Variants in HEPHL1 observed in about 807,000 individuals in gnomAD.
The protein encoded by HEPHL1 is ferroxidase HEPHL1.
Under a neutral mutation model 122.0 loss-of-function variants are expected in HEPHL1, and 123 were observed. The ratio of observed to expected loss-of-function variants is 1.01; its 90% CI spans 0.87 to 1.17. HEPHL1 has a LOEUF of 1.17. HEPHL1 is among the 50% of genes most tolerant of loss of function. The pLI is 0.00. For synonymous variants in HEPHL1, 527 were observed against 508.9 expected (o/e 1.04, Z -0.48); for missense variants, 1,452 against 1,430.5 (o/e 1.01, Z -0.24).
intron 10 of HEPHL1, among the ~76,000 whole-genome samples, chr11:94,085,040 T>C (rs1565358047): frequency 6.6e-6 from 1 of 152,192 alleles, no homozygotes. Flanking sequence ...ATGTGCATGA[T>C]AATAGTTCCT....
intron 1 of HEPHL1, among the ~76,000 whole-genome samples, chr11:94,033,871 C>T (rs1945697588): frequency 6.6e-6 from 1 of 152,166 alleles, no homozygotes; most frequent in South Asian, 2.1e-4. Flanking sequence ...CTCACTGTAA[C>T]ACGCTTTGGT....
chr11:94,046,031 C>T, intron 2 of HEPHL1, 114 bp downstream of exon 2: 1 of 759,136 alleles, frequency 1.3e-6, no homozygotes, highest in Non-Finnish European at 2.0e-6. Context: ...TTTATCTTCT[C>T]TCTGTCTGCT....
At chr11:94,082,970 T>C (rs1331380572) in intron 10 of HEPHL1, among the ~76,000 whole-genome samples, 1 of 151,998 alleles carries the variant, frequency 6.6e-6, no homozygotes, top group Non-Finnish European at 1.5e-5. Flanking sequence ...GTGCCTATAT[T>C]CCCAGCTACT....
chr11:94,087,309 A>AT (rs1946226259), intron 11 of HEPHL1, among the ~76,000 whole-genome samples: 1 of 152,172 alleles, frequency 6.6e-6, no homozygotes, highest in Admixed American at 6.6e-5. Flanking sequence ...GCCCAGAATA[A>AT]TTTTAGAAAT....
chr11:94,027,603 T>C (rs1945637145), intron 1 of HEPHL1, among the ~76,000 whole-genome samples: 1 of 152,256 alleles, frequency 6.6e-6, no homozygotes, highest in South Asian at 2.1e-4. Flanking sequence ...TGAATCCTTA[T>C]GATAGCTCTA....
chr11:94,025,402 T>C (rs532882713), intron 1 of HEPHL1, among the ~76,000 whole-genome samples: 14 of 152,240 alleles, frequency 9.2e-5, no homozygotes, highest in Non-Finnish European at 1.8e-4. Context: ...AGGTGTGTGT[T>C]TGGTGGTAAA....
chr11:94,062,821 C>T (rs764958806), intron 2 of HEPHL1, among the ~76,000 whole-genome samples: 26 of 152,092 alleles, frequency 1.7e-4, no homozygotes, highest in Non-Finnish European at 3.4e-4. Flanking sequence ...AATCATGTGC[C>T]ATCTTGGTTT....
Position 94,106,115 on chromosome 11 carries a change from G to A in HEPHL1, c.3030G>A (p.Glu1010=). 6.4e-7 allele frequency: 1 copy of A among 1,560,396 alleles called. No homozygotes were observed. The highest frequency in any genetic ancestry group is 1.2e-5 in the South Asian group (1 of 81,906). Residue 1010 remains glutamate, a synonymous_variant, in exon 17 of 20, where the codon GAG becomes GAA. Coordinates refer to ENST00000315765, the MANE Select transcript of HEPHL1 (RefSeq NM_001098672.2). The stretch of plus-strand genomic sequence containing the variant: ...TACATACCATCCATTATCATGCTGA[G>A]AGCTTTCTTTTCAAAGTAAGTATAA... The part of the protein sequence containing the change: ...VDIHTIHYHA[E]SFLFKIDKSY...
chr11:94,022,166 G>A lies in HEPHL1; in HGVS notation c.170+628G>A, dbSNP rs7129186. ...GCATAGCTAGGTGAGATGGCGCCAC[G>A]GTGTTCTATGTTCCTGATTTTTAAT... is the stretch of plus-strand genomic sequence containing the variant. On this transcript the variant is annotated intron_variant, in intron 1 of 19. Coordinates refer to ENST00000315765, the MANE Select transcript of HEPHL1 (RefSeq NM_001098672.2). Among the ~76,000 whole-genome samples, 1,143 of 152,218 alleles carry A rather than the reference G, an allele frequency of 7.5e-3. 12 individuals are homozygous for A. Among genetic ancestry groups the A allele is most frequent in the African/African-American group, 0.026 (1,083 of 41,532 alleles).
Position 94,021,495 on chromosome 11 carries a change from C to A in HEPHL1, c.127C>A (p.Gln43Lys), listed in dbSNP as rs1565341597. 1 of 1,612,330 alleles carries A rather than the reference C, an allele frequency of 6.2e-7. No homozygotes were observed. Among genetic ancestry groups the A allele is most frequent in the Admixed American group, 1.7e-5 (1 of 59,768 alleles). Residue 43 changes from glutamine (Q) to lysine (K), a missense_variant, in exon 1 of 20, where the codon CAA becomes AAA. Physicochemically the swap from Gln to Lys is moderately conservative, Grantham distance 53. Transcript: ENST00000315765. ...IVEEYWNYVPQGKNVITGKSF... is the reference protein window; with the variant it reads ...IVEEYWNYVPKGKNVITGKSF... ...GGAAGAATACTGGAACTATGTACCC[C>A]AAGGGAAGAATGTTATTACTGGGAA...
At chr11:94,036,799 A>G (rs1945728857) in intron 1 of HEPHL1, among the ~76,000 whole-genome samples, 1 of 142,350 alleles carries the variant, frequency 7.0e-6, no homozygotes, top group African/African-American at 2.6e-5. Context: ...AGATCGTGCC[A>G]TTGCACTCCA....
At chr11:94,089,670 G>C (rs191288057) in intron 12 of HEPHL1, among the ~76,000 whole-genome samples, 1 of 152,110 alleles carries the variant, frequency 6.6e-6, no homozygotes, top group East Asian at 1.9e-4. Flanking sequence ...TTAAACAAGG[G>C]AGAAGGCAGG....
At chr11:94,052,518 C>T (rs1408138600) in intron 2 of HEPHL1, among the ~76,000 whole-genome samples, 2 of 151,920 alleles carry the variant, frequency 1.3e-5, no homozygotes, top group Admixed American at 6.6e-5. Flanking sequence ...TTTGGTGGAG[C>T]CGTTAGGTTT....
intron 16 of HEPHL1, among the ~76,000 whole-genome samples, chr11:94,105,257 T>C (rs1325924922): frequency 1.3e-5 from 2 of 152,308 alleles, no homozygotes; most frequent in East Asian, 1.9e-4. Context: ...TGACCAAAAG[T>C]GCACAAAAAG....
At chr11:94,024,538 T>C (rs948868398) in intron 1 of HEPHL1, among the ~76,000 whole-genome samples, 1 of 152,226 alleles carries the variant, frequency 6.6e-6, no homozygotes, top group Non-Finnish European at 1.5e-5. Flanking sequence ...ATCGTGGGCA[T>C]ATGTGACAAC....
chr11:94,055,292 C>T (rs916598428), intron 2 of HEPHL1: 2 of 288,986 alleles, frequency 6.9e-6, no homozygotes, highest in East Asian at 1.8e-4. Flanking sequence ...GTTTCACTCC[C>T]ACCACTTCTG....
chr11:94,099,625 G>A (rs931474887), intron 13 of HEPHL1, among the ~76,000 whole-genome samples: 1 of 152,214 alleles, frequency 6.6e-6, no homozygotes, highest in African/African-American at 2.4e-5. Context: ...AGTCTACAGA[G>A]GCAGGCAGGC....
At chr11:94,068,091 T>C (rs1382969456) in intron 5 of HEPHL1, among the ~76,000 whole-genome samples, 1 of 152,190 alleles carries the variant, frequency 6.6e-6, no homozygotes, top group Non-Finnish European at 1.5e-5. Context: ...CAGTCACTAC[T>C]CTGGAGCAAT....
chr11:94,100,165 A>T (rs1946356654), intron 13 of HEPHL1, among the ~76,000 whole-genome samples: 1 of 152,156 alleles, frequency 6.6e-6, no homozygotes, highest in Non-Finnish European at 1.5e-5. Context: ...ACCCCCTAAG[A>T]ATATTTTAAG....
Sources: allele counts gnomAD v4.1 joint callset (sites outside exome capture counted in the v4.1 genomes callset), GRCh38; gene constraint gnomAD v4.1.1; transcripts MANE v1.5; gene names NCBI Gene and HGNC (gene_info 2026-07-23, HGNC 2026-07-21).